ECM2: variants seen among roughly 807,000 people sequenced by gnomAD.
The protein encoded by ECM2 is extracellular matrix protein 2, female organ and adipocyte specific.
Under a neutral mutation model 67.5 loss-of-function variants are expected in ECM2, and 57 were observed. The observed-to-expected ratio is 0.84, with a 90% CI of 0.68 to 1.05. The LOEUF is 1.05. Among genes scored for constraint, ECM2 ranks in the 50% least tolerant of loss-of-function variants. The pLI is 0.00. For missense variants in ECM2, 741 were observed against 822.8 expected (o/e 0.90, Z 1.22); for synonymous variants, 258 against 294.5 (o/e 0.88, Z 1.27).
the ECM2 span, among the ~76,000 whole-genome samples, chr9:92,547,198 A>G: frequency 2.0e-5 from 3 of 152,364 alleles, no homozygotes; most frequent in South Asian, 6.2e-4. Flanking sequence ...TAGTGTTTTA[A>G]AAAGAATAAA....
Position 92,516,079 on chromosome 9 carries a change from C to T in ECM2, c.482-876G>A, listed in dbSNP as rs189720948. Among the ~76,000 whole-genome samples the T allele has an allele frequency of 6.7e-5, 10 of 150,306 alleles. No homozygotes were observed. The East Asian group carries it at 1.9e-3, about 29-fold the overall frequency. On this transcript the variant is annotated intron_variant, in intron 3 of 9. Coordinates refer to ENST00000344604, the MANE Select transcript of ECM2 (RefSeq NM_001393.4). ...ACAGTGCATACTTTTTTTTCCCCCC[C>T]CCGAGACGGAGTCTTGCTCTGTCGC...
intron 4 of ECM2, among the ~76,000 whole-genome samples, chr9:92,514,112 G>A (rs1847528724): frequency 6.8e-6 from 1 of 146,300 alleles, no homozygotes; most frequent in Non-Finnish European, 1.5e-5. Flanking sequence ...ACAGAGCAAT[G>A]AGAATCGTTC....
intron 1 of ECM2, among the ~76,000 whole-genome samples, chr9:92,531,261 C>A (rs542796223): frequency 6.6e-6 from 1 of 152,086 alleles, no homozygotes; most frequent in South Asian, 2.1e-4. Context: ...TAATTATACA[C>A]TTTTTACCAT....
rs995592485 is a variant in ECM2 at position 92,511,997 on chromosome 9, G to C, written c.1170+14C>G. 1.3e-6 allele frequency: 2 copies of C among 1,579,848 alleles called. No homozygotes were observed. The highest frequency in any genetic ancestry group is 2.7e-5 in the African/African-American group (2 of 73,306). On this transcript the variant is annotated intron_variant, in intron 5 of 9. Transcript: ENST00000344604. ...GCCATTCATCCAAATAGACAAATCA[G>C]AGCATGTATTTACCTTGAATGCTTT...
chr9:92,509,074 G>C (rs1847180920), intron 6 of ECM2, among the ~76,000 whole-genome samples: 1 of 151,658 alleles, frequency 6.6e-6, no homozygotes, highest in Non-Finnish European at 1.5e-5. Context: ...GACAACTTCA[G>C]CTGTCTAGCA....
chr9:92,542,527 G>A, the ECM2 span, among the ~76,000 whole-genome samples: 536 of 149,708 alleles, frequency 3.6e-3, no homozygotes, highest in Middle Eastern at 0.011. Flanking sequence ...TTTTGAGATG[G>A]AGTCTCGCTC....
chr9:92,546,868 T>G, the ECM2 span, among the ~76,000 whole-genome samples: 1 of 152,040 alleles, frequency 6.6e-6, no homozygotes, highest in African/African-American at 2.4e-5. Flanking sequence ...GGATATTGAG[T>G]TCATAATTTC....
intron 1 of ECM2, among the ~76,000 whole-genome samples, chr9:92,527,240 A>G (rs895373797): frequency 6.6e-6 from 1 of 152,122 alleles, no homozygotes; most frequent in Non-Finnish European, 1.5e-5. Flanking sequence ...CAAACTCCTG[A>G]GCTCAAGTGA....
At chr9:92,527,317 A>G (rs1376981017) in intron 1 of ECM2, among the ~76,000 whole-genome samples, 1 of 152,126 alleles carries the variant, frequency 6.6e-6, no homozygotes, top group Non-Finnish European at 1.5e-5. Context: ...GGCTTTAGAT[A>G]TGTTTAGATA....
the ECM2 span, among the ~76,000 whole-genome samples, chr9:92,544,627 A>G: frequency 2.0e-5 from 3 of 152,278 alleles, no homozygotes; most frequent in South Asian, 6.2e-4. Context: ...AAAACTAGTA[A>G]AAGCTGTGGC....
At chr9:92,505,711 A>G (rs929539889) in intron 6 of ECM2, 21 bp from the exon 7 acceptor site, 2 of 1,531,950 alleles carry the variant, frequency 1.3e-6, no homozygotes, top group African/African-American at 1.4e-5. Flanking sequence ...TAAAAGTATT[A>G]GAATATTAGG....
rs769488943 is a variant in ECM2 at position 92,517,825 on chromosome 9, C to T, written c.343G>A (p.Val115Met). 4 of 1,614,212 alleles carry T rather than the reference C, an allele frequency of 2.5e-6. No homozygotes were observed. The highest frequency in any genetic ancestry group is 3.4e-6 in the Non-Finnish European group (4 of 1,180,048). The change falls in exon 3 of 10, where the codon GTG (valine) becomes ATG (methionine). Residue 115 changes from valine (V) to methionine (M), a missense_variant. Physicochemically the swap from Val to Met is conservative, Grantham distance 21 (BLOSUM62 1). Transcript: ENST00000344604. Reference sequence around the variant, plus strand: ...GTAGTGCAGGGCTCAGGCGACCACACAGCTTTGTTGTACATGGTTATGCCC... The same window carrying T: ...GTAGTGCAGGGCTCAGGCGACCACATAGCTTTGTTGTACATGGTTATGCCC... ...VKGITMYNKA[V>M]WSPEPCTTCL...
intron 1 of ECM2, among the ~76,000 whole-genome samples, chr9:92,531,620 C>A (rs749832542): frequency 6.6e-6 from 1 of 152,082 alleles, no homozygotes; most frequent in Non-Finnish European, 1.5e-5. Context: ...GCCATTAGTA[C>A]CTTCCTCCTA....
At chr9:92,504,520 T>C (rs1846877556) in intron 7 of ECM2, among the ~76,000 whole-genome samples, 2 of 152,070 alleles carry the variant, frequency 1.3e-5, no homozygotes, top group Admixed American at 1.3e-4. Flanking sequence ...ACCTCAGTGT[T>C]CTTTTTGGCA....
intron 4 of ECM2, among the ~76,000 whole-genome samples, chr9:92,513,998 T>C (rs1847522094): frequency 6.6e-6 from 1 of 152,236 alleles, no homozygotes; most frequent in Non-Finnish European, 1.5e-5. Context: ...TAACTGCTAT[T>C]CTGCAGTAAA....
chr9:92,532,889 C>T (rs554894795), intron 1 of ECM2, among the ~76,000 whole-genome samples: 12 of 152,086 alleles, frequency 7.9e-5, no homozygotes, highest in African/African-American at 2.9e-4. Flanking sequence ...GATGGAGTGC[C>T]AGATATTGTA....
the ECM2 span, among the ~76,000 whole-genome samples, chr9:92,553,687 G>A: frequency 1.3e-5 from 2 of 152,050 alleles, no homozygotes; most frequent in East Asian, 1.9e-4. Context: ...ATTGTAAAAG[G>A]GATTGAGTTC....
At chr9:92,547,415 C>T in the ECM2 span, among the ~76,000 whole-genome samples, 10 of 152,310 alleles carry the variant, frequency 6.6e-5, no homozygotes, top group African/African-American at 2.4e-4. Flanking sequence ...TGTTTGTCAA[C>T]TGTTGAATGA....
At chr9:92,556,097 A>G in the ECM2 span, among the ~76,000 whole-genome samples, 291 of 152,162 alleles carry the variant, frequency 1.9e-3, no homozygotes, top group African/African-American at 6.8e-3. Context: ...CATTATTGTC[A>G]TCTGGTTCAA....
Sources: gnomAD v4.1 joint callset for allele counts (sites outside exome capture counted in the v4.1 genomes callset) on GRCh38, gnomAD v4.1.1 for gene constraint, MANE v1.5 for transcripts, NCBI Gene and HGNC (gene_info 2026-07-23, HGNC 2026-07-21) for gene names.